Variants in ZBTB49 observed in about 807,000 individuals in gnomAD.
ZBTB49 encodes the protein zinc finger and BTB domain containing 49.
A neutral mutation model predicts 57.5 loss-of-function variants in ZBTB49; 43 were observed. That is an observed-to-expected ratio of 0.75 (90% CI 0.59 to 0.97). The LOEUF (loss-of-function observed/expected upper bound fraction) is 0.97. Among genes scored for constraint, ZBTB49 ranks in the 50% least tolerant of loss-of-function variants. The pLI is 0.00. For missense variants in ZBTB49, 938 were observed against 947.7 expected (o/e 0.99, Z 0.13); for synonymous variants, 369 against 362.1 (o/e 1.02, Z -0.22).
intron 1 of ZBTB49, among the ~76,000 whole-genome samples, chr4:4,299,174 C>A (rs1487576118): frequency 1.3e-5 from 2 of 152,190 alleles, no homozygotes; most frequent in Non-Finnish European, 2.9e-5. Context: ...CTCAGCCACA[C>A]CTGAGCCCAG....
chr4:4,305,735 G>A (rs953183303), intron 3 of ZBTB49, among the ~76,000 whole-genome samples: 1 of 152,182 alleles, frequency 6.6e-6, no homozygotes, highest in African/African-American at 2.4e-5. Context: ...TACCTTGTGT[G>A]GTGTGAACCA....
At chr4:4,308,244 A>G (rs1577241596) in intron 4 of ZBTB49, among the ~76,000 whole-genome samples, 1 of 152,188 alleles carries the variant, frequency 6.6e-6, no homozygotes, top group East Asian at 1.9e-4. Flanking sequence ...CGCCCAGCTC[A>G]GTTTTTATAT....
At chr4:4,303,874 A>G (rs924673028) in intron 3 of ZBTB49, among the ~76,000 whole-genome samples, 1 of 152,000 alleles carries the variant, frequency 6.6e-6, no homozygotes, top group African/African-American at 2.4e-5. Context: ...TTAATAGCAC[A>G]TTACAGATGA....
In ZBTB49 at chr4:4,300,223, G is replaced by C. The variant is rs763600498; in HGVS notation, c.152+126G>C. The C allele has an allele frequency of 5.5e-6, 6 of 1,088,072 alleles. No individual in the cohort carries two copies. The Admixed American group carries it at 1.3e-4, about 24-fold the overall frequency. 67.4% of individuals were successfully genotyped at this position (1,088,072 alleles called of 1,614,324 possible). On this transcript the variant is annotated intron_variant, in intron 2 of 7. Transcript: ENST00000337872. ...TATCTTTTATAGCACATTGGATTTT[G>C]TAGGAGTTGTTTTAATTTTTAAGTT...
At chr4:4,290,965 C>G (rs1250772360) in intron 1 of ZBTB49, among the ~76,000 whole-genome samples, 4 of 152,196 alleles carry the variant, frequency 2.6e-5, no homozygotes, top group African/African-American at 7.2e-5. Flanking sequence ...CTTCTCAGCC[C>G]TTAAAACAGG....
rs1175883716 is a variant in ZBTB49, at chr4:4,300,058, C to T, written c.113C>T (p.Ala38Val). 3.7e-6 allele frequency: 6 copies of T among 1,613,968 alleles called. No individual in the cohort carries two copies. The highest frequency in any genetic ancestry group is 1.7e-5 in the Admixed American group (1 of 59,974). ...MLVVKGVCFK[A>V]HKNVLAAFSQ... ...GTGGTAAAAGGAGTCTGCTTTAAAG[C>T]GCATAAGAATGTCCTGGCAGCATTC... The change falls in exon 2 of 8, where the codon GCG becomes GTG. Residue 38 changes from alanine (A) to valine (V), a missense_variant. Physicochemically the swap from Ala to Val is moderately conservative, Grantham distance 64. Around this residue, in one of 3 missense-constraint regions of ZBTB49, gnomAD observed 100 missense variants for 112.5 expected, o/e 0.89. Coordinates refer to ENST00000337872, the MANE Select transcript of ZBTB49 (RefSeq NM_145291.4).
chr4:4,307,795 A>G (rs183368535), intron 4 of ZBTB49, among the ~76,000 whole-genome samples: 48 of 152,192 alleles, frequency 3.2e-4, no homozygotes, highest in South Asian at 1.2e-3. Context: ...TCATTTTTCT[A>G]ATTCTTAAAA....
chr4:4,309,167 G>A (rs1429965236), intron 4 of ZBTB49, among the ~76,000 whole-genome samples: 1 of 152,222 alleles, frequency 6.6e-6, no homozygotes, highest in Admixed American at 6.5e-5. Flanking sequence ...TTAGTATTTA[G>A]TAGGTTAGTC....
At chr4:4,313,993 C>G (rs1384312834) in intron 5 of ZBTB49, among the ~76,000 whole-genome samples, 5 of 152,192 alleles carry the variant, frequency 3.3e-5, no homozygotes, top group African/African-American at 1.2e-4. Flanking sequence ...TACCGAAGTG[C>G]CTTGAGGCAA....
At chr4:4,296,322 C>T (rs1658523162) in intron 1 of ZBTB49, among the ~76,000 whole-genome samples, 1 of 152,200 alleles carries the variant, frequency 6.6e-6, no homozygotes, top group African/African-American at 2.4e-5. Flanking sequence ...TGTGTCACCA[C>T]CCAAATCTCA....
chr4:4,303,070 C>T lies in ZBTB49; in HGVS notation c.1234C>T (p.Leu412Phe). 6.2e-7 allele frequency: 1 copy of T among 1,609,124 alleles called. No homozygotes were observed. The highest frequency in any genetic ancestry group is 8.5e-7 in the Non-Finnish European group (1 of 1,176,970). Residue 412 changes from leucine to phenylalanine, a missense_variant, in exon 3 of 8, where the codon CTT (leucine) becomes TTT (phenylalanine). Around this residue, in one of 3 missense-constraint regions of ZBTB49, gnomAD observed 835 missense variants for 819.1 expected, o/e 1.02. Transcript: ENST00000337872. ...TTTTAAACACCCAAGCAACTTGGAG[C>T]TTCACAAACGGTCTCATACAGGTAA... ...KPFKHPSNLE[L>F]HKRSHTGEKP...
chr4:4,296,654 G>A (rs1178563166), intron 1 of ZBTB49, among the ~76,000 whole-genome samples: 3 of 152,274 alleles, frequency 2.0e-5, no homozygotes, highest in African/African-American at 4.8e-5. Context: ...GCATGAAAAC[G>A]GACTAATACA....
At chr4:4,317,907 A>G (rs1721254889) in intron 7 of ZBTB49, among the ~76,000 whole-genome samples, 1 of 151,996 alleles carries the variant, frequency 6.6e-6, no homozygotes, top group South Asian at 2.1e-4. Flanking sequence ...CTCTGGTTTT[A>G]GTGGCAGCTT....
chr4:4,302,117 T>C lies in ZBTB49; in HGVS notation c.281T>C (p.Ile94Thr). ...TSHLDLNQDN[I>T]QVMLDTAQCL... is the part of the protein sequence containing the mutation. Reference sequence around the variant, plus strand: ...CATCTAGATCTTAACCAGGACAATATACAAGTAATGCTGGACACAGCACAG... The same window carrying C: ...CATCTAGATCTTAACCAGGACAATACACAAGTAATGCTGGACACAGCACAG... The change falls in exon 3 of 8, where the codon ATA becomes ACA. Residue 94 changes from isoleucine (I) to threonine (T), a missense_variant. By Grantham distance (89) the Ile-to-Thr change is moderately conservative (BLOSUM62 -1). Around this residue, in one of 3 missense-constraint regions of ZBTB49, gnomAD observed 100 missense variants for 112.5 expected, o/e 0.89. Transcript: ENST00000337872. 1.2e-6 allele frequency: 2 copies of C among 1,614,244 alleles called. No homozygotes were observed. Among genetic ancestry groups the C allele is most frequent in the Non-Finnish European group, 1.7e-6 (2 of 1,180,034 alleles).
At chr4:4,301,116 G>C (rs764574234) in intron 2 of ZBTB49, among the ~76,000 whole-genome samples, 14 of 152,122 alleles carry the variant, frequency 9.2e-5, no homozygotes, top group Admixed American at 3.9e-4. Flanking sequence ...TGTCTTCCCA[G>C]GACAGTTAAA....
rs1247771767 is a variant in ZBTB49 at position 4,302,686 on chromosome 4, T to C, written c.850T>C (p.Ser284Pro). 1 of 1,611,532 alleles carries C rather than the reference T, an allele frequency of 6.2e-7. No homozygotes were observed. The highest frequency in any genetic ancestry group is 8.5e-7 in the Non-Finnish European group (1 of 1,178,578). The stretch of plus-strand genomic sequence containing the variant: ...CTTCCTGGCCCAGCCTGTGAATGAC[T>C]CTGCCCCACACCCTGAGTCAGACGC... ...SNFLAQPVND[S>P]APHPESDATC... Residue 284 changes from serine to proline, a missense_variant, in exon 3 of 8, where the codon TCT (serine) becomes CCT (proline). By Grantham distance (74) the Ser-to-Pro change is moderately conservative. Around this residue, in one of 3 missense-constraint regions of ZBTB49, gnomAD observed 835 missense variants for 819.1 expected, o/e 1.02. Coordinates refer to ENST00000337872, the MANE Select transcript of ZBTB49 (RefSeq NM_145291.4).
At chr4:4,318,751 A>T (rs1274265211) in intron 7 of ZBTB49, among the ~76,000 whole-genome samples, 1 of 152,236 alleles carries the variant, frequency 6.6e-6, no homozygotes, top group East Asian at 1.9e-4. Context: ...TAAGGACAAC[A>T]CAGAAACTAA....
At chr4:4,303,164 G>C in intron 3 of ZBTB49, 73 bp downstream of exon 3, 1 of 1,431,132 alleles carries the variant, frequency 7.0e-7, no homozygotes, top group Non-Finnish European at 9.2e-7. Context: ...GGCTCTTCTT[G>C]TTTTTGTAAG....
rs1253401426 is a variant in ZBTB49, at chr4:4,302,239, T to C, written c.403T>C (p.Ser135Pro). ...TGGCATGCCTTGTAATAGTACATTG[T>C]CTCTACAAAGCACCCTGACCCCAGA... The part of the protein sequence containing the change: ...PPGMPCNSTL[S>P]LQSTLTPDAT... The change falls in exon 3 of 8, where the codon TCT (serine) becomes CCT (proline). Residue 135 changes from serine to proline, a missense_variant. Transcript: ENST00000337872. 1.9e-6 allele frequency: 3 copies of C among 1,614,246 alleles called. No homozygotes were observed. The highest frequency in any genetic ancestry group is 2.5e-6 in the Non-Finnish European group (3 of 1,180,038).
Sources: allele counts gnomAD v4.1 joint callset (sites outside exome capture counted in the v4.1 genomes callset), GRCh38; gene constraint gnomAD v4.1.1; regional missense constraint gnomAD v4.1.1; transcripts MANE v1.5; gene names NCBI Gene and HGNC (gene_info 2026-07-23, HGNC 2026-07-21).